The following TULP3 variants were observed in gnomAD, a reference collection of about 807,000 sequenced individuals.
The protein encoded by TULP3 is tubby-related protein 3.
In TULP3, 38 loss-of-function variants were observed where a neutral mutation model predicts 50.7. That is an observed-to-expected ratio of 0.75 (90% CI 0.58 to 0.98). The LOEUF is 0.98. Among genes scored for constraint, TULP3 ranks in the 50% least tolerant of loss-of-function variants. TULP3 has a pLI of 0.00. For missense variants in TULP3, 550 were observed against 568.0 expected (o/e 0.97, Z 0.32); for synonymous variants, 183 against 196.6 (o/e 0.93, Z 0.58).
chr12:2,927,129 A>G (rs1207419232), intron 4 of TULP3, among the ~76,000 whole-genome samples: 2 of 149,906 alleles, frequency 1.3e-5, no homozygotes, highest in African/African-American at 2.5e-5. Flanking sequence ...ATCATACACT[A>G]TTTGTCTTTT....
intron 1 of TULP3, among the ~76,000 whole-genome samples, chr12:2,891,377 A>T (rs1168504780): frequency 6.6e-6 from 1 of 152,074 alleles, no homozygotes; most frequent in East Asian, 1.9e-4. Flanking sequence ...CCCTCCCGGG[A>T]GGCGGTGCGG....
At chr12:2,922,219 T>C (rs749426967) in intron 3 of TULP3, 43 bp from the exon 4 acceptor site, 1 of 1,598,556 alleles carries the variant, frequency 6.3e-7, no homozygotes, top group Admixed American at 1.8e-5. Flanking sequence ...TAGTGAATAA[T>C]ACTTTGCTCC....
rs184786271 is a variant in TULP3, at chr12:2,930,485, A to G, written c.492+140A>G. ...GTCACCCAGGCTGGAGTGCAGTGGC[A>G]TGATCTCAGCTCACTGCAAACTCCG... On this transcript the variant is annotated intron_variant, in intron 5 of 10. Coordinates refer to ENST00000448120, the MANE Select transcript of TULP3 (RefSeq NM_003324.5). The G allele has an allele frequency of 3.5e-4, 199 of 564,000 alleles. 1 individual carries two copies. Among genetic ancestry groups the G allele is most frequent in the African/African-American group, 3.4e-3 (175 of 52,014 alleles). The allele number at this position is 564,000 out of a possible 1,614,324, so 34.9% of individuals were successfully genotyped here. A position where few individuals can be genotyped will look rare whatever the true frequency, so the allele number is the denominator to read the frequency against.
intron 1 of TULP3, among the ~76,000 whole-genome samples, chr12:2,908,006 A>C (rs1329597438): frequency 6.6e-6 from 1 of 152,176 alleles, no homozygotes; most frequent in East Asian, 1.9e-4. Context: ...TCAGAAAATC[A>C]CAAAGCACCT....
At position 2,890,981 on chromosome 12, in the gene TULP3, G is replaced by A. The variant is rs528212334; in HGVS notation, c.34G>A (p.Gly12Ser). The stretch of plus-strand genomic sequence containing the variant: ...TTCGCGCTGCCGGCTCAGTCCCAGC[G>A]GCGACAGGTCAGACAGGGCCGTGGC... ...EASRCRLSPS[G>S]DSVFHEEMMK... The change falls in exon 1 of 11, where the codon GGC (glycine) becomes AGC (serine). Residue 12 changes from glycine (G) to serine (S), a missense_variant. Physicochemically the swap from Gly to Ser is moderately conservative, Grantham distance 56. Coordinates refer to ENST00000448120, the MANE Select transcript of TULP3 (RefSeq NM_003324.5). 6.3e-7 allele frequency: 1 copy of A among 1,594,812 alleles called. No individual in the cohort carries two copies. Among genetic ancestry groups the A allele is most frequent in the South Asian group, 1.1e-5 (1 of 88,132 alleles).
intron 1 of TULP3, among the ~76,000 whole-genome samples, chr12:2,903,750 A>G (rs1372854530): frequency 6.6e-6 from 1 of 151,992 alleles, no homozygotes; most frequent in East Asian, 1.9e-4. Context: ...CCTTTCACCA[A>G]GTTTCCCCTA....
Position 2,907,304 on chromosome 12 carries a change from C to T in TULP3, c.42-2225C>T, listed in dbSNP as rs112085593. Among the ~76,000 whole-genome samples the T allele has an allele frequency of 6.5e-3, 983 of 151,988 alleles. 14 individuals are homozygous for T. Among genetic ancestry groups the T allele is most frequent in the African/African-American group, 0.022 (891 of 41,438 alleles). On this transcript the variant is annotated intron_variant, in intron 1 of 10. Coordinates refer to ENST00000448120, the MANE Select transcript of TULP3 (RefSeq NM_003324.5). ...CCATCCTGTCTGACTGGTGAAACCC[C>T]GTCTACTAAAAATACAAAAAATTAG...
At position 2,939,899 on chromosome 12, in the gene TULP3, C is replaced by T; in HGVS notation, c.*455C>T. On this transcript the variant is annotated 3_prime_UTR_variant, in exon 11 of 11. Coordinates refer to ENST00000448120, the MANE Select transcript of TULP3 (RefSeq NM_003324.5). The surrounding 1 kb of genome is among the most constrained non-coding windows in gnomAD (Gnocchi z 4.0). The stretch of plus-strand genomic sequence containing the variant: ...AGCATGGGTGAGAGATGATTTAAAG[C>T]ACAGGGAGATTCTTGTCACATTGGG... 1 of 1,243,338 alleles carries T rather than the reference C, an allele frequency of 8.0e-7. No homozygotes were observed. Among genetic ancestry groups the T allele is most frequent in the Non-Finnish European group, 1.0e-6 (1 of 962,632 alleles). The allele number at this position is 1,243,338 out of a possible 1,614,324, so 77.0% of individuals were successfully genotyped here. A position where few individuals can be genotyped will look rare whatever the true frequency, so the allele number is the denominator to read the frequency against.
At chr12:2,907,772 A>G (rs2098183201) in intron 1 of TULP3, among the ~76,000 whole-genome samples, 1 of 151,812 alleles carries the variant, frequency 6.6e-6, no homozygotes, top group South Asian at 2.1e-4. Context: ...TAAATTTGGG[A>G]TTTAAAAATA....
intron 2 of TULP3, among the ~76,000 whole-genome samples, chr12:2,910,074 C>A (rs907582966): frequency 6.6e-6 from 1 of 152,242 alleles, no homozygotes; most frequent in South Asian, 2.1e-4. Context: ...AGGCAGATCA[C>A]GAGGTCAGGA....
intron 2 of TULP3, among the ~76,000 whole-genome samples, chr12:2,910,028 C>CA (rs2098184567): frequency 6.6e-6 from 1 of 152,192 alleles, no homozygotes; most frequent in Non-Finnish European, 1.5e-5. Context: ...CACAGTGGCT[C>CA]ACGCCTGTCA....
intron 3 of TULP3, among the ~76,000 whole-genome samples, chr12:2,921,338 T>C (rs2098191615): frequency 6.6e-6 from 1 of 151,432 alleles, no homozygotes; most frequent in Non-Finnish European, 1.5e-5. Flanking sequence ...GACGGGGTTT[T>C]ACTATGTTGG....
At chr12:2,911,664 CTTTTTTTTTTTTTTTTTTTTTT>C (rs56027951) in intron 2 of TULP3, among the ~76,000 whole-genome samples, 874 of 38,156 alleles carry the variant, frequency 0.023, 40 homozygotes, top group Middle Eastern at 0.1. Context: ...TGCGCCCAGC[CTTTTTTTTTTTTTTTTTTTTTT>C]TTTTTTTTTT....
intron 2 of TULP3, among the ~76,000 whole-genome samples, chr12:2,916,870 T>A (rs142584562): frequency 1.3e-5 from 2 of 152,242 alleles, no homozygotes; most frequent in Non-Finnish European, 2.9e-5. Context: ...TGGCCCTGAT[T>A]ACAGTTTGAG....
chr12:2,891,048 C>G, intron 1 of TULP3, 60 bp downstream of exon 1: 3 of 1,473,610 alleles, frequency 2.0e-6, no homozygotes, highest in Non-Finnish European at 2.7e-6. Context: ...AGCGAGAAGG[C>G]GGAGGTCCTC....
At chr12:2,929,401 CT>C (rs2153950121) in intron 4 of TULP3, among the ~76,000 whole-genome samples, 1 of 152,320 alleles carries the variant, frequency 6.6e-6, no homozygotes, top group East Asian at 1.9e-4. Context: ...CCTCAAAATC[CT>C]GGGCTTAAGT....
rs1591541369 is a variant in TULP3, at chr12:2,940,893, A to C, written c.*1449A>C. On this transcript the variant is annotated 3_prime_UTR_variant, in exon 11 of 11. Coordinates refer to ENST00000448120, the MANE Select transcript of TULP3 (RefSeq NM_003324.5). ...CACCTCGTCACCACCACCACCCCCCACCCCATCCTGAGGCACTGCCTGGCA... is the reference window on the plus strand; with the variant it reads ...CACCTCGTCACCACCACCACCCCCCCCCCCATCCTGAGGCACTGCCTGGCA... 1 of 619,100 alleles carries C rather than the reference A, an allele frequency of 1.6e-6. No individual in the cohort carries two copies. The highest frequency in any genetic ancestry group is 2.7e-6 in the Non-Finnish European group (1 of 364,136). 38.4% of individuals were successfully genotyped at this position (619,100 alleles called of 1,614,324 possible). A position where few individuals can be genotyped will look rare whatever the true frequency, so the allele number is the denominator to read the frequency against.
Position 2,930,284 on chromosome 12 carries a change from A to G in TULP3, c.431A>G (p.Asp144Gly). ...SESVNFDEET[D>G]GISQSACLER... ...AGTGTGAACTTCGATGAGGAGACTG[A>G]TGGAATATCCCAGTCAGCATGTTTA... The change falls in exon 5 of 11, where the codon GAT (aspartate) becomes GGT (glycine). Residue 144 changes from aspartate (D) to glycine (G), a missense_variant. By Grantham distance (94) the Asp-to-Gly change is moderately conservative. Coordinates refer to ENST00000448120, the MANE Select transcript of TULP3 (RefSeq NM_003324.5). The G allele has an allele frequency of 6.2e-7, 1 of 1,613,026 alleles. No individual in the cohort carries two copies. Among genetic ancestry groups the G allele is most frequent in the Non-Finnish European group, 8.5e-7 (1 of 1,179,414 alleles).
At chr12:2,923,904 T>C (rs1005969598) in intron 4 of TULP3, among the ~76,000 whole-genome samples, 1 of 151,820 alleles carries the variant, frequency 6.6e-6, no homozygotes, top group Non-Finnish European at 1.5e-5. Context: ...GGCTTGAGCC[T>C]GGGAAGTGGA....
Sources: allele counts gnomAD v4.1 joint callset (sites outside exome capture counted in the v4.1 genomes callset), GRCh38; gene constraint gnomAD v4.1.1; non-coding constraint Gnocchi (gnomAD v3.1); transcripts MANE v1.5; gene names NCBI Gene and HGNC (gene_info 2026-07-23, HGNC 2026-07-21).